The following IFI6 variants were observed in gnomAD, a reference collection of about 807,000 sequenced individuals.
IFI6 encodes interferon alpha-inducible protein 6.
IFI6 carries 10 observed loss-of-function variants against 12.7 expected under a neutral mutation model. The observed-to-expected ratio is 0.79, with a 90% CI of 0.49 to 1.33. The LOEUF is 1.33. IFI6 is among the 40% of genes most tolerant of loss of function. The probability of loss-of-function intolerance (pLI) is 0.00; values close to 1 mark genes in which losing one functional copy is unlikely to be tolerated. For missense variants in IFI6, 154 were observed against 180.4 expected (o/e 0.85, Z 0.84); for synonymous variants, 89 against 86.2 (o/e 1.03, Z -0.18).
At chr1:27,668,124 C>G (rs2090365004) in intron 4 of IFI6, 102 bp downstream of exon 4, 1 of 1,054,730 alleles carries the variant, frequency 9.5e-7, no homozygotes, top group Non-Finnish European at 1.3e-6. Flanking sequence ...TACTTAATTA[C>G]TTGAGTAAAT....
At chr1:27,668,423 C>T in intron 3 of IFI6, 35 bp downstream of exon 3, 1 of 1,594,814 alleles carries the variant, frequency 6.3e-7, no homozygotes, top group Non-Finnish European at 8.5e-7. Context: ...AGAGGCCCGC[C>T]CCGCCTGCCC....
chr1:27,669,344 G>A lies in IFI6; in HGVS notation c.-30C>T. 6.5e-7 allele frequency: 1 copy of A among 1,546,116 alleles called. No homozygotes were observed. The highest frequency in any genetic ancestry group is 8.8e-7 in the Non-Finnish European group (1 of 1,141,844). ...GCGCCGCGCGCGGGCTCCGTCACTA[G>A]ACCTGCGAACGGGCGAGAGGGAGAT... On this transcript the variant is annotated splice_region_variant and 5_prime_UTR_variant, in exon 2 of 5. Coordinates refer to ENST00000361157, the MANE Select transcript of IFI6 (RefSeq NM_002038.4).
At position 27,668,223 on chromosome 1, in the gene IFI6, C is replaced by A; in HGVS notation, c.298+3G>T. 3 of 1,533,728 alleles carry A rather than the reference C, an allele frequency of 2.0e-6. 1 individual carries two copies. The highest frequency in any genetic ancestry group is 1.7e-6 in the Non-Finnish European group (2 of 1,147,390). On this transcript the variant is annotated splice_donor_region_variant and intron_variant, in intron 4 of 4. Coordinates refer to ENST00000361157, the MANE Select transcript of IFI6 (RefSeq NM_002038.4). ...CCACCAGGGGCCCAGGCCCCGCACT[C>A]ACCGAGGCTCTGCAGCGTGGCCACT... is the stretch of plus-strand genomic sequence containing the variant.
In IFI6 at chr1:27,669,214, CCCTTACCTGCAT is replaced by C. The variant is rs920136872; in HGVS notation, c.70+19_70+30del. The C allele has an allele frequency of 7.1e-6, 11 of 1,548,964 alleles. No homozygotes were observed. The highest frequency in any genetic ancestry group is 9.6e-6 in the Non-Finnish European group (11 of 1,144,766). On this transcript the variant is annotated intron_variant, in intron 2 of 4. Transcript: ENST00000361157. ...ATCCTTACCTGCACCCTTACCTGTCCCCTTACCTGCATCCTTACCCGCATTCTCACCTGCCTC... is the reference window on the plus strand; with the variant it reads ...ATCCTTACCTGCACCCTTACCTGTCCCCTTACCCGCATTCTCACCTGCCTC...
At chr1:27,668,815 A>G (rs1053241577) in intron 2 of IFI6, among the ~76,000 whole-genome samples, 3 of 152,056 alleles carry the variant, frequency 2.0e-5, no homozygotes, top group Admixed American at 1.3e-4. Flanking sequence ...AATGGACGCC[A>G]GGGTCTCTAC....
At position 27,668,248 on chromosome 1, in the gene IFI6, T is replaced by C; in HGVS notation, c.276A>G (p.Leu92=). 2 of 1,570,626 alleles carry C rather than the reference T, an allele frequency of 1.3e-6. No individual in the cohort carries two copies. Among genetic ancestry groups the C allele is most frequent in the Non-Finnish European group, 1.7e-6 (2 of 1,163,746 alleles). ...LNGGGVPAGG[L]VATLQSLGAG... ...CACCGAGGCTCTGCAGCGTGGCCAC[T>C]AGCCCCCCGGCGGGCACGCCGCCCC... The change falls in exon 4 of 5, where the codon CTA becomes CTG. Residue 92 remains leucine, a synonymous_variant. Coordinates refer to ENST00000361157, the MANE Select transcript of IFI6 (RefSeq NM_002038.4).
chr1:27,669,309 C>T lies in IFI6; in HGVS notation c.6G>A (p.Arg2=). M[R]QKAVSLFLCY... is the part of the protein sequence containing the mutation. ...ACAAGAAAAGCGATACCGCCTTCTG[C>T]CGCATGGTGGCGCCGCGCGCGGGCT... is the stretch of plus-strand genomic sequence containing the variant. The change falls in exon 2 of 5, where the codon CGG becomes CGA. Residue 2 remains arginine, a synonymous_variant. Coordinates refer to ENST00000361157, the MANE Select transcript of IFI6 (RefSeq NM_002038.4). 6.4e-7 allele frequency: 1 copy of T among 1,552,864 alleles called. No individual in the cohort carries two copies. The highest frequency in any genetic ancestry group is 8.7e-7 in the Non-Finnish European group (1 of 1,147,496).
intron 1 of IFI6, 58 bp from the exon 2 acceptor site, chr1:27,669,404 G>T: frequency 9.5e-7 from 1 of 1,047,442 alleles, no homozygotes; most frequent in Non-Finnish European, 1.4e-6. Context: ...CATCAGCTCC[G>T]TTGTTTTCCC....
intron 4 of IFI6, 122 bp from the exon 5 acceptor site, chr1:27,666,597 AG>A (rs1234939043): frequency 1.6e-6 from 1 of 620,876 alleles, no homozygotes; most frequent in Non-Finnish European, 2.8e-6. Flanking sequence ...AGGCCCTGAG[AG>A]GGGATGGCAC....
rs1285412421 is a variant in IFI6 at position 27,669,322 on chromosome 1, CCG to C, written c.-10_-9del. The C allele has an allele frequency of 2.1e-5, 32 of 1,552,702 alleles. No individual in the cohort carries two copies. Among genetic ancestry groups the C allele is most frequent in the Non-Finnish European group, 2.8e-5 (32 of 1,147,396 alleles). ...TACCGCCTTCTGCCGCATGGTGGCG[CCG>C]CGCGCGGGCTCCGTCACTAGACCTG... On this transcript the variant is annotated 5_prime_UTR_variant, in exon 2 of 5. Coordinates refer to ENST00000361157, the MANE Select transcript of IFI6 (RefSeq NM_002038.4).
intron 1 of IFI6, among the ~76,000 whole-genome samples, chr1:27,671,569 G>T (rs1328745586): frequency 6.6e-6 from 1 of 151,578 alleles, no homozygotes; most frequent in Non-Finnish European, 1.5e-5. Flanking sequence ...TGTATTTTTA[G>T]TAGAGACAGG....
In IFI6 at chr1:27,668,224, A is replaced by T; in HGVS notation, c.298+2T>A. On this transcript the variant is annotated splice_donor_variant, in intron 4 of 4. Coordinates refer to ENST00000361157, the MANE Select transcript of IFI6 (RefSeq NM_002038.4). LOFTEE classifies it high-confidence loss of function. ...CACCAGGGGCCCAGGCCCCGCACTC[A>T]CCGAGGCTCTGCAGCGTGGCCACTA... 1 of 1,535,146 alleles carries T rather than the reference A, an allele frequency of 6.5e-7. No homozygotes were observed. Among genetic ancestry groups the T allele is most frequent in the South Asian group, 1.2e-5 (1 of 81,894 alleles).
chr1:27,666,473 C>A lies in IFI6; in HGVS notation c.301G>T (p.Ala101Ser), dbSNP rs770187951. Residue 101 changes from alanine (A) to serine (S), a missense_variant and splice_region_variant, in exon 5 of 5, where the codon GCT becomes TCT. Ala to Ser is a moderately conservative substitution (Grantham distance 99). Transcript: ENST00000361157. The part of the protein sequence containing the change: ...GLVATLQSLG[A>S]GGSSVVIGNI... The stretch of plus-strand genomic sequence containing the variant: ...CCTATGACGACGCTGCTGCCACCAG[C>A]CCCTGTAAAGCAAACACAGATGAGT... 6.2e-7 allele frequency: 1 copy of A among 1,612,856 alleles called. No individual in the cohort carries two copies. Among genetic ancestry groups the A allele is most frequent in the Admixed American group, 1.7e-5 (1 of 59,922 alleles).
Position 27,668,390 on chromosome 1 carries a change from G to A in IFI6, c.149-15C>T. ...GACTGCGAGTCCTGGAGGAACAGGAGCAGGTGAGGGAGCGTCCGCGGCAGA... is the reference window on the plus strand; with the variant it reads ...GACTGCGAGTCCTGGAGGAACAGGAACAGGTGAGGGAGCGTCCGCGGCAGA... On this transcript the variant is annotated splice_polypyrimidine_tract_variant and intron_variant, in intron 3 of 4. Coordinates refer to ENST00000361157, the MANE Select transcript of IFI6 (RefSeq NM_002038.4). The A allele has an allele frequency of 3.2e-6, 5 of 1,573,712 alleles. No homozygotes were observed. The highest frequency in any genetic ancestry group is 4.3e-6 in the Non-Finnish European group (5 of 1,158,524).
At chr1:27,668,597 C>T in intron 2 of IFI6, 62 bp from the exon 3 acceptor site, 1 of 1,359,810 alleles carries the variant, frequency 7.4e-7, no homozygotes. Flanking sequence ...GTCCCCTACT[C>T]TGTGTCTGAT....
At chr1:27,668,032 C>T (rs1184198197) in intron 4 of IFI6, among the ~76,000 whole-genome samples, 194 bp downstream of exon 4, 1 of 152,246 alleles carries the variant, frequency 6.6e-6, no homozygotes, top group Non-Finnish European at 1.5e-5. Context: ...GATCACACCA[C>T]TGCACTTCAG....
intron 4 of IFI6, among the ~76,000 whole-genome samples, chr1:27,667,052 A>C (rs1239272942): frequency 1.9e-5 from 2 of 105,038 alleles, no homozygotes; most frequent in Non-Finnish European, 1.8e-5. Flanking sequence ...TCAGAGCGCG[A>C]GAGAGAGGTG....
chr1:27,669,629 G>T, intron 1 of IFI6: 1 of 379,482 alleles, frequency 2.6e-6, no homozygotes, highest in Non-Finnish European at 5.1e-6. Flanking sequence ...GGTTGTTCCT[G>T]GCCTTGTACC....
chr1:27,669,520 G>C (rs2090388399), intron 1 of IFI6, 174 bp from the exon 2 acceptor site: 1 of 564,316 alleles, frequency 1.8e-6, no homozygotes, highest in Non-Finnish European at 3.2e-6. Context: ...ATCAGTGGCA[G>C]AGATGTCCCT....
Sources: gnomAD v4.1 joint callset for allele counts (sites outside exome capture counted in the v4.1 genomes callset) on GRCh38, gnomAD v4.1.1 for gene constraint, MANE v1.5 for transcripts, NCBI Gene and HGNC (gene_info 2026-07-23, HGNC 2026-07-21) for gene names.